The following KIAA0930 variants were observed in gnomAD, a reference collection of about 807,000 sequenced individuals.
KIAA0930 encodes KIAA0930.
A neutral mutation model predicts 43.9 loss-of-function variants in KIAA0930; 24 were observed. The observed-to-expected ratio is 0.55, with a 90% confidence interval of 0.40 to 0.77. KIAA0930 has a LOEUF of 0.77. Among genes scored for constraint, KIAA0930 ranks in the 30% least tolerant of loss-of-function variants. KIAA0930 has a pLI of 0.00. For synonymous variants in KIAA0930, 259 were observed against 216.4 expected, an observed-to-expected ratio of 1.20 and a Z score of -1.73; for missense variants, 461 against 574.2, an observed-to-expected ratio of 0.80 and a Z score of 2.02.
intron 1 of KIAA0930, among the ~76,000 whole-genome samples, chr22:45,223,270 T>C (rs1429284907): frequency 2.6e-5 from 4 of 152,082 alleles, no homozygotes; most frequent in Admixed American, 1.3e-4. Context: ...CTAGAATAAA[T>C]GAAGCAAAAA....
chr22:45,228,571 T>C (rs1162948555), intron 1 of KIAA0930, among the ~76,000 whole-genome samples: 5 of 152,142 alleles, frequency 3.3e-5, no homozygotes, highest in Non-Finnish European at 7.4e-5. Context: ...CAAATTACAG[T>C]GTGAACCTTC....
At chr22:45,207,770 G>A (rs1421897265) in intron 2 of KIAA0930, 1 of 169,524 alleles carries the variant, frequency 5.9e-6, no homozygotes, top group Non-Finnish European at 1.5e-5. Flanking sequence ...GCAGAGCTGG[G>A]ATCTATGGAA....
chr22:45,204,687 G>A (rs1185300093), intron 5 of KIAA0930, among the ~76,000 whole-genome samples: 1 of 151,638 alleles, frequency 6.6e-6, no homozygotes, highest in Non-Finnish European at 1.5e-5. Context: ...AGCAGGGAGT[G>A]AGCTGCGACC....
chr22:45,234,575 C>T lies in KIAA0930; in HGVS notation c.64+6065G>A, dbSNP rs60907668. Among the ~76,000 whole-genome samples, 1,330 of 152,360 alleles carry T rather than the reference C, an allele frequency of 8.7e-3. 19 individuals carry two copies. Among genetic ancestry groups the T allele is most frequent in the African/African-American group, 0.03 (1,235 of 41,574 alleles). On this transcript the variant is annotated intron_variant, in intron 1 of 9. Transcript: ENST00000336156. ...TCTACCACCTACGGTCCTACCCCTG[C>T]CCTTGGGGGTCACACAGCAGCCTCC...
intron 1 of KIAA0930, among the ~76,000 whole-genome samples, chr22:45,237,624 G>A (rs1014510377): frequency 6.6e-6 from 1 of 152,214 alleles, no homozygotes; most frequent in Non-Finnish European, 1.5e-5. Context: ...AGAGGACACA[G>A]CAGGTTTCTG....
rs893012855 is a variant in KIAA0930, at chr22:45,193,758, T to C, written c.*3418A>G. On this transcript the variant is annotated 3_prime_UTR_variant, in exon 10 of 10. Coordinates refer to ENST00000336156, the MANE Select transcript of KIAA0930 (RefSeq NM_001009880.2). ...AATCTTCTTTTGAAATAATAAGCCT[T>C]AGCTGGCTTTGCAGGCAACTAGGCA... 1 of 152,178 alleles carries C rather than the reference T, an allele frequency of 6.6e-6. No individual in the cohort carries two copies. Among genetic ancestry groups the C allele is most frequent in the Non-Finnish European group, 1.5e-5 (1 of 68,034 alleles). The allele number at this position is 152,178 out of a possible 1,614,324, so 9.4% of individuals were successfully genotyped here. A position where few individuals can be genotyped will look rare whatever the true frequency, so the allele number is the denominator to read the frequency against.
rs754184635 is a variant in KIAA0930 at position 45,199,892 on chromosome 22, G to A, written c.996C>T (p.Phe332=). The A allele has an allele frequency of 2.5e-6, 4 of 1,591,418 alleles. No individual in the cohort carries two copies. The highest frequency in any genetic ancestry group is 3.4e-6 in the Non-Finnish European group (4 of 1,164,738). Residue 332 remains phenylalanine (F), a synonymous_variant, in exon 8 of 10, where the codon TTC becomes TTT. Coordinates refer to ENST00000336156, the MANE Select transcript of KIAA0930 (RefSeq NM_001009880.2). ...SHSANDSEEF[F]REDDGGADLH... is the part of the protein sequence containing the mutation. Reference sequence around the variant, plus strand: ...GGTCACCTCCACCGTCGTCCTCCCGGAAGAACTCCTCGCTGTCGTTGGCCG... The same window carrying A: ...GGTCACCTCCACCGTCGTCCTCCCGAAAGAACTCCTCGCTGTCGTTGGCCG...
chr22:45,234,983 C>G (rs954074462), intron 1 of KIAA0930, among the ~76,000 whole-genome samples: 1 of 146,514 alleles, frequency 6.8e-6, no homozygotes, highest in Non-Finnish European at 1.5e-5. Flanking sequence ...TTCTAGTTTC[C>G]GTAATGTGCA....
chr22:45,234,945 T>C (rs998222219), intron 1 of KIAA0930, among the ~76,000 whole-genome samples: 2 of 152,220 alleles, frequency 1.3e-5, no homozygotes, highest in Non-Finnish European at 1.5e-5. Context: ...CTCTGGGTAA[T>C]TGGAACTAGG....
intron 7 of KIAA0930, chr22:45,202,781 C>T (rs527482454): frequency 4.7e-5 from 24 of 512,092 alleles, no homozygotes; most frequent in Middle Eastern, 5.0e-4. Context: ...AAGGCAGGAA[C>T]GCCTCCCCTG....
intron 6 of KIAA0930, 147 bp downstream of exon 6, chr22:45,203,698 G>A: frequency 1.2e-6 from 1 of 834,894 alleles, no homozygotes; most frequent in Middle Eastern, 3.6e-4. Context: ...GGAGCGCCTA[G>A]AAGGAGCCCG....
chr22:45,201,227 ACTGG>A (rs1272883641), intron 7 of KIAA0930, among the ~76,000 whole-genome samples: 1 of 152,238 alleles, frequency 6.6e-6, no homozygotes, highest in Non-Finnish European at 1.5e-5. Context: ...TGTGTCACGC[ACTGG>A]CTCCAGACGA....
At chr22:45,231,886 G>A (rs1204835093) in intron 1 of KIAA0930, among the ~76,000 whole-genome samples, 1 of 152,188 alleles carries the variant, frequency 6.6e-6, no homozygotes. Context: ...AGCTACTCGG[G>A]AGGCTGAGGC....
chr22:45,219,112 G>A (rs564095459), intron 1 of KIAA0930, among the ~76,000 whole-genome samples: 1 of 152,232 alleles, frequency 6.6e-6, no homozygotes, highest in Admixed American at 6.5e-5. Flanking sequence ...AAGACTGTCA[G>A]ATTGGAGTTC....
At position 45,200,337 on chromosome 22, in the gene KIAA0930, G is replaced by A. The variant is rs376112160; in HGVS notation, c.853-302C>T. ...GGGCCTCAAACAGTGGGTAGGGGGTGTTCAAGCACAAAGTAACAACAGCTG... is the reference window on the plus strand; with the variant it reads ...GGGCCTCAAACAGTGGGTAGGGGGTATTCAAGCACAAAGTAACAACAGCTG... On this transcript the variant is annotated intron_variant, in intron 7 of 9. Coordinates refer to ENST00000336156, the MANE Select transcript of KIAA0930 (RefSeq NM_001009880.2). The A allele has an allele frequency of 5.5e-4, 187 of 338,326 alleles. 1 individual carries two copies. The highest frequency in any genetic ancestry group is 3.6e-3 in the African/African-American group (170 of 46,846). The allele number at this position is 338,326 out of a possible 1,614,324, so 21.0% of individuals were successfully genotyped here. A position where few individuals can be genotyped will look rare whatever the true frequency, so the allele number is the denominator to read the frequency against.
At position 45,212,092 on chromosome 22, in the gene KIAA0930, T is replaced by C; in HGVS notation, c.80A>G (p.Asp27Gly). 1 of 1,613,828 alleles carries C rather than the reference T, an allele frequency of 6.2e-7. No homozygotes were observed. The highest frequency in any genetic ancestry group is 8.5e-7 in the Non-Finnish European group (1 of 1,179,966). ...CATCCAAGTCCAGAAGACGATGCGG[T>C]CATCCTTGAAGCACCCTGCAGAGGG... ...EVCGLGCFKD[D>G]RIVFWTWMFS... is the part of the protein sequence containing the mutation. Residue 27 changes from aspartate (D) to glycine (G), a missense_variant, in exon 2 of 10, where the codon GAC becomes GGC. By Grantham distance (94) the Asp-to-Gly change is moderately conservative. Transcript: ENST00000336156.
intron 1 of KIAA0930, among the ~76,000 whole-genome samples, chr22:45,234,618 G>A (rs1338981510): frequency 6.6e-6 from 1 of 152,236 alleles, no homozygotes; most frequent in African/African-American, 2.4e-5. Flanking sequence ...GGCCTCCCAG[G>A]TGGCCAGCTT....
chr22:45,202,885 G>A, intron 7 of KIAA0930, 105 bp downstream of exon 7: 2 of 938,512 alleles, frequency 2.1e-6, no homozygotes, highest in South Asian at 1.7e-5. Flanking sequence ...ACTGGTGGTT[G>A]GGGATGACAA....
At chr22:45,239,797 G>T (rs1601830770) in intron 1 of KIAA0930, among the ~76,000 whole-genome samples, 1 of 152,182 alleles carries the variant, frequency 6.6e-6, no homozygotes. Flanking sequence ...TGACAATGTG[G>T]TATGAAGTCA....
Sources: allele counts gnomAD v4.1 joint callset (sites outside exome capture counted in the v4.1 genomes callset), GRCh38; gene constraint gnomAD v4.1.1; transcripts MANE v1.5; gene names NCBI Gene and HGNC (gene_info 2026-07-23, HGNC 2026-07-21).